TMEM232: variants seen among roughly 807,000 people sequenced by gnomAD.
TMEM232 encodes the protein transmembrane protein 232.
Under a neutral mutation model 78.8 loss-of-function variants are expected in TMEM232, and 80 were observed. That is an observed-to-expected ratio of 1.01 (90% CI 0.85 to 1.22). The LOEUF (loss-of-function observed/expected upper bound fraction) is 1.22. Among genes scored for constraint, TMEM232 ranks in the 50% most tolerant of loss-of-function variants. The pLI is 0.00. For synonymous variants in TMEM232, 297 were observed against 254.3 expected, an observed-to-expected ratio of 1.17 and a Z score of -1.60; for missense variants, 881 against 742.2, an observed-to-expected ratio of 1.19 and a Z score of -2.17.
At chr5:110,619,807 A>C (rs1261481622) in intron 7 of TMEM232, among the ~76,000 whole-genome samples, 3 of 152,132 alleles carry the variant, frequency 2.0e-5, no homozygotes, top group African/African-American at 4.8e-5. Flanking sequence ...TAAATAGGTA[A>C]ATAAATATGT....
At position 110,667,427 on chromosome 5, in the gene TMEM232, A is replaced by G. The variant is rs1790736682; in HGVS notation, c.-12-63T>C. ...CACTCATAGTATCAAACAACATGTT[A>G]TGCAAATTCATTATTTTTGGAAAAG... On this transcript the variant is annotated intron_variant, in intron 1 of 13. Transcript: ENST00000455884. The G allele has an allele frequency of 4.0e-6, 5 of 1,264,324 alleles. No homozygotes were observed. The South Asian group carries it at 9.4e-5, about 24-fold the overall frequency. 78.3% of individuals were successfully genotyped at this position (1,264,324 alleles called of 1,614,324 possible).
rs142188146 is a variant in TMEM232, at chr5:110,463,940, C to T, written c.1704-39024G>A. Among the ~76,000 whole-genome samples, 287 of 152,302 alleles carry T rather than the reference C, an allele frequency of 1.9e-3. 1 individual carries two copies. Among genetic ancestry groups the T allele is most frequent in the Non-Finnish European group, 2.7e-3 (186 of 68,032 alleles). On this transcript the variant is annotated intron_variant, in intron 12 of 13. Transcript: ENST00000455884. ...AGGCTGAATACTTTTCACCTGGAGG[C>T]CTTTGTGCCTCCTATTTGAAATACT...
chr5:110,446,107 T>C (rs893121824), intron 12 of TMEM232, among the ~76,000 whole-genome samples: 2 of 152,088 alleles, frequency 1.3e-5, no homozygotes, highest in African/African-American at 4.8e-5. Context: ...CTAATGTCAG[T>C]ATCTATAGGC....
At chr5:110,512,869 A>G (rs1449007782) in intron 12 of TMEM232, among the ~76,000 whole-genome samples, 1 of 152,218 alleles carries the variant, frequency 6.6e-6, no homozygotes, top group Non-Finnish European at 1.5e-5. Context: ...GAAATATAGA[A>G]TACTTTTAAA....
At chr5:110,675,718 T>C (rs974240359) in intron 1 of TMEM232, among the ~76,000 whole-genome samples, 10 of 152,216 alleles carry the variant, frequency 6.6e-5, no homozygotes, top group African/African-American at 2.4e-4. Context: ...TATGCATACA[T>C]TGTGAAATGA....
intron 8 of TMEM232, among the ~76,000 whole-genome samples, chr5:110,610,240 A>AAGGAAGGG (rs61635086): frequency 0.046 from 3,216 of 69,894 alleles, 508 homozygotes; most frequent in African/African-American, 0.17. Context: ...AAAAGAAAGG[A>AAGGAAGGG]AGGAAGGGAG....
At chr5:110,424,441 GTC>G (rs1561476902) in intron 13 of TMEM232, among the ~76,000 whole-genome samples, 1 of 152,116 alleles carries the variant, frequency 6.6e-6, no homozygotes, top group Non-Finnish European at 1.5e-5. Flanking sequence ...GTGATTAACA[GTC>G]TTTCTGATCT....
intron 12 of TMEM232, among the ~76,000 whole-genome samples, chr5:110,494,637 G>A (rs1036611582): frequency 6.6e-6 from 1 of 152,062 alleles, no homozygotes; most frequent in African/African-American, 2.4e-5. Flanking sequence ...GTCACCAGGA[G>A]TCTGTATAAA....
intron 5 of TMEM232, among the ~76,000 whole-genome samples, chr5:110,637,426 T>C (rs1580452456): frequency 2.0e-5 from 3 of 151,826 alleles, no homozygotes; most frequent in South Asian, 2.1e-4. Flanking sequence ...AATGTGGTTG[T>C]CTCCCCAAAA....
At chr5:110,684,984 C>G (rs1191944617) in intron 1 of TMEM232, 4 of 151,934 alleles carry the variant, frequency 2.6e-5, no homozygotes, top group Non-Finnish European at 5.9e-5. Flanking sequence ...TAACGAATTG[C>G]AAAATGTAGG....
At chr5:110,593,218 A>T (rs1779743553) in intron 10 of TMEM232, among the ~76,000 whole-genome samples, 1 of 152,194 alleles carries the variant, frequency 6.6e-6, no homozygotes, top group South Asian at 2.1e-4. Context: ...ATGCCATTAT[A>T]GGTAAAAAGA....
At chr5:110,509,062 A>G (rs1281773390) in intron 12 of TMEM232, among the ~76,000 whole-genome samples, 3 of 146,928 alleles carry the variant, frequency 2.0e-5, no homozygotes, top group Non-Finnish European at 4.5e-5. Context: ...ATATGTATAT[A>G]TAATTATATA....
intron 1 of TMEM232, among the ~76,000 whole-genome samples, chr5:110,677,812 T>G (rs1296837078): frequency 2.0e-5 from 3 of 152,292 alleles, no homozygotes; most frequent in African/African-American, 7.2e-5. Flanking sequence ...TGAAAAAAAT[T>G]TCTTCTTTGA....
chr5:110,598,653 C>T (rs183597399), intron 10 of TMEM232, among the ~76,000 whole-genome samples: 1,872 of 151,878 alleles, frequency 0.012, 38 homozygotes, highest in African/African-American at 0.043. Context: ...AAATGTGGCA[C>T]ATATACACCA....
At chr5:110,396,681 T>G (rs1755402952) in intron 3 of TMEM232, among the ~76,000 whole-genome samples, 1 of 152,184 alleles carries the variant, frequency 6.6e-6, no homozygotes, top group Admixed American at 6.6e-5. Flanking sequence ...TCTGACTGAT[T>G]TCTCCAGGCT....
intron 11 of TMEM232, among the ~76,000 whole-genome samples, chr5:110,535,822 A>G (rs1772264820): frequency 6.6e-6 from 1 of 152,126 alleles, no homozygotes; most frequent in Non-Finnish European, 1.5e-5. Context: ...GCAGGAGAAT[A>G]GGGTCTGGAG....
At chr5:110,463,789 C>T (rs1761788765) in intron 12 of TMEM232, among the ~76,000 whole-genome samples, 1 of 152,196 alleles carries the variant, frequency 6.6e-6, no homozygotes, top group African/African-American at 2.4e-5. Context: ...TTCTCCTGCC[C>T]TACTCCACAC....
upstream of TMEM232, chr5:110,738,864 C>T (rs537514575): frequency 1.3e-6 from 1 of 788,914 alleles, no homozygotes; most frequent in Non-Finnish European, 1.9e-6. Flanking sequence ...CATATTCCCA[C>T]CTATTCCCTA....
At chr5:110,610,559 G>A (rs964552074) in intron 8 of TMEM232, 1 of 456,148 alleles carries the variant, frequency 2.2e-6, no homozygotes, top group African/African-American at 2.0e-5. Context: ...TCAAAGTGAA[G>A]TTTCTCTCTA....
Sources: gnomAD v4.1 joint callset for allele counts (sites outside exome capture counted in the v4.1 genomes callset) on GRCh38, gnomAD v4.1.1 for gene constraint, MANE v1.5 for transcripts, NCBI Gene and HGNC (gene_info 2026-07-23, HGNC 2026-07-21) for gene names.